Variants in MYBPC3 observed in about 807,000 individuals in gnomAD.
MYBPC3 encodes myosin binding protein C3.
In MYBPC3, 108 loss-of-function variants were observed where a neutral mutation model predicts 159.3. That is an observed-to-expected ratio of 0.68 (90% CI 0.58 to 0.80). MYBPC3 has a LOEUF of 0.80. Among genes scored for constraint, MYBPC3 ranks in the 30% least tolerant of loss-of-function variants. The pLI, the probability that MYBPC3 is intolerant of heterozygous loss-of-function variation, is 0.00. For synonymous variants in MYBPC3, 730 were observed against 702.0 expected, an observed-to-expected ratio of 1.04 and a Z score of -0.63; for missense variants, 1,631 against 1,762.1, an observed-to-expected ratio of 0.93 and a Z score of 1.33.
chr11:47,348,562 G>T (rs747926188), intron 5 of MYBPC3, 21 bp from the exon 6 acceptor site: 2 of 1,581,990 alleles, frequency 1.3e-6, no homozygotes, highest in Non-Finnish European at 1.7e-6. Context: ...GGAGGGACGG[G>T]GCGTCAGGGG....
In MYBPC3 at chr11:47,341,199, A is replaced by T; in HGVS notation, c.1836T>A (p.Ala612=). 2 of 1,595,656 alleles carry T rather than the reference A, an allele frequency of 1.3e-6. No homozygotes were observed. Among genetic ancestry groups the T allele is most frequent in the Non-Finnish European group, 1.7e-6 (2 of 1,171,404 alleles). ...TIDDVTPADE[A]DYSFVPEGFA... ...AGCCCTCGGGCACAAAGCTGTAGTC[A>T]GCCTCGTCGGCAGGTGTGACGTCGT... Residue 612 remains alanine, a synonymous_variant, in exon 19 of 35, where the codon GCT becomes GCA. Transcript: ENST00000545968.
Position 47,342,113 on chromosome 11 carries a change from C to T in MYBPC3, c.1668G>A (p.Val556=). 1 of 1,614,054 alleles carries T rather than the reference C, an allele frequency of 6.2e-7. No homozygotes were observed. Among genetic ancestry groups the T allele is most frequent in the Non-Finnish European group, 8.5e-7 (1 of 1,179,898 alleles). Residue 556 remains valine, a synonymous_variant, in exon 18 of 35, where the codon GTG becomes GTA. Transcript: ENST00000545968. ...EVYQSIADLM[V]GAKDQAVFKC... is the part of the protein sequence containing the mutation. ...TGAACACCGCCTGGTCCTTTGCGCC[C>T]ACCATCAGGTCTGCGATGCTCTGGT...
At chr11:47,343,467 C>G (rs1488082339) in intron 13 of MYBPC3, 25 bp downstream of exon 13, 2 of 1,559,248 alleles carry the variant, frequency 1.3e-6, no homozygotes, top group Non-Finnish European at 1.7e-6. Context: ...TCCACCCGAG[C>G]CCCCCTCCCC....
Position 47,346,473 on chromosome 11 carries a change from T to C in MYBPC3, c.927-103A>G. On this transcript the variant is annotated intron_variant, in intron 11 of 34. Transcript: ENST00000545968. This position sits in a 1 kb window ranked among gnomAD's most constrained non-coding sequence, Gnocchi z 5.3. ...GGAGCTGTAGCCACCCCTGTCCCTC[T>C]GCCCCTTCCCTTCTGGTGGGGCAGC... The C allele has an allele frequency of 6.9e-7, 1 of 1,458,718 alleles. No homozygotes were observed. Among genetic ancestry groups the C allele is most frequent in the Non-Finnish European group, 9.1e-7 (1 of 1,095,862 alleles). The allele number at this position is 1,458,718 out of a possible 1,614,324, so 90.4% of individuals were successfully genotyped here.
Position 47,346,638 on chromosome 11 carries a change from GAA to G in MYBPC3, c.913_914del (p.Phe305ProfsTer27), listed in dbSNP as rs397516080. Reference protein sequence around the residue: ...FSSLLKKRDSFRTPRDSKLEA... With the variant: ...FSSLLKKRDSXRTPRDSKLEA... Reference sequence around the variant, plus strand: ...TGTTGGGCACTCACCTCGGGGTCCGGAAACTGCTGCTCCAGGGGTGGGGGTGG... The same window carrying G: ...TGTTGGGCACTCACCTCGGGGTCCGGACTGCTGCTCCAGGGGTGGGGGTGG... On this transcript the variant is annotated frameshift_variant, in exon 11 of 35. Coordinates refer to ENST00000545968, the MANE Select transcript of MYBPC3 (RefSeq NM_000256.3). LOFTEE classifies it high-confidence loss of function. The surrounding 1 kb of genome is among the most constrained non-coding windows in gnomAD (Gnocchi z 5.3). The G allele has an allele frequency of 2.2e-6, 3 of 1,367,976 alleles. No individual in the cohort carries two copies. The highest frequency in any genetic ancestry group is 3.1e-6 in the Non-Finnish European group (3 of 973,800). The allele number at this position is 1,367,976 out of a possible 1,614,324, so 84.7% of individuals were successfully genotyped here. A position where few individuals can be genotyped will look rare whatever the true frequency, so the allele number is the denominator to read the frequency against.
chr11:47,341,114 C>G, intron 19 of MYBPC3, 24 bp downstream of exon 19: 1 of 1,573,458 alleles, frequency 6.4e-7, no homozygotes, highest in Admixed American at 1.8e-5. Flanking sequence ...TGCCCCGACC[C>G]ACCCTACCCT....
rs780452445 is a variant in MYBPC3, at chr11:47,339,780, C to G, written c.1938G>C (p.Lys646Asn). 5 of 1,613,376 alleles carry G rather than the reference C, an allele frequency of 3.1e-6. No homozygotes were observed. In the South Asian group the frequency reaches 5.5e-5, roughly 18 times the overall value. Residue 646 changes from lysine (K) to asparagine (N), a missense_variant, in exon 21 of 35, where the codon AAG becomes AAC. Physicochemically the swap from Lys to Asn is moderately conservative, Grantham distance 94. Coordinates refer to ENST00000545968, the MANE Select transcript of MYBPC3 (RefSeq NM_000256.3). ...IDFVPRQEPPKIHLDCPGRIP... is the reference protein window; with the variant it reads ...IDFVPRQEPPNIHLDCPGRIP... Reference sequence around the variant, plus strand: ...TGCGGCCTGGGCAGTCCAGGTGGATCTTGGGAGGTTCTGCAGAAGACACAA... The same window carrying G: ...TGCGGCCTGGGCAGTCCAGGTGGATGTTGGGAGGTTCTGCAGAAGACACAA...
chr11:47,341,396 AATTTTC>A (rs2095888452), intron 18 of MYBPC3, among the ~76,000 whole-genome samples, 152 bp from the exon 19 acceptor site: 1 of 152,110 alleles, frequency 6.6e-6, no homozygotes, highest in Non-Finnish European at 1.5e-5. Flanking sequence ...TATATTATCT[AATTTTC>A]CAGCTTTTTA....
rs1184764743 is a variant in MYBPC3, at chr11:47,333,725, T to C, written c.3022A>G (p.Thr1008Ala). The C allele has an allele frequency of 6.2e-7, 1 of 1,606,516 alleles. No homozygotes were observed. The highest frequency in any genetic ancestry group is 8.5e-7 in the Non-Finnish European group (1 of 1,176,970). The change falls in exon 29 of 35, where the codon ACC becomes GCC. Residue 1008 changes from threonine to alanine, a missense_variant. Transcript: ENST00000545968. The part of the protein sequence containing the change: ...QGKPRPQVTW[T>A]KEGQPLAGEE... The stretch of plus-strand genomic sequence containing the variant: ...CCTGCCAGGGGCTGCCCCTCTTTGG[T>C]CCAGGTCACCTGAGGCCGGGGCTTG...
Position 47,349,874 on chromosome 11 carries a change from T to C in MYBPC3, c.554A>G (p.Lys185Arg), listed in dbSNP as rs768795353. 1.2e-6 allele frequency: 2 copies of C among 1,612,222 alleles called. No individual in the cohort carries two copies. Among genetic ancestry groups the C allele is most frequent in the Non-Finnish European group, 1.7e-6 (2 of 1,179,352 alleles). ...SARVAGASLL[K>R]PPVVKWFKGK... is the part of the protein sequence containing the mutation. The stretch of plus-strand genomic sequence containing the variant: ...CTTGAACCACTTGACCACAGGCGGC[T>C]TCAGGAGGCTGGCGCCGGCCACGCG... The change falls in exon 5 of 35, where the codon AAG becomes AGG. Residue 185 changes from lysine (K) to arginine (R), a missense_variant. Coordinates refer to ENST00000545968, the MANE Select transcript of MYBPC3 (RefSeq NM_000256.3).
At chr11:47,337,605 G>T in intron 24 of MYBPC3, 26 bp from the exon 25 acceptor site, 1 of 1,613,712 alleles carries the variant, frequency 6.2e-7, no homozygotes, top group Non-Finnish European at 8.5e-7. Flanking sequence ...TGGCAGCTCT[G>T]GTCTGGAACC....
chr11:47,335,341 T>A, intron 26 of MYBPC3, 132 bp from the exon 27 acceptor site: 1 of 840,432 alleles, frequency 1.2e-6, no homozygotes. Flanking sequence ...GTTTATTTAT[T>A]TTTGAGATGG....
In MYBPC3 at chr11:47,350,514, G is replaced by A. The variant is rs1042129854; in HGVS notation, c.394C>T (p.Pro132Ser). Residue 132 changes from proline (P) to serine (S), a missense_variant, in exon 3 of 35, where the codon CCA becomes TCA. Physicochemically the swap from Pro to Ser is moderately conservative, Grantham distance 74. Transcript: ENST00000545968. ...CAGCCCCTCTCACCTTTGGGACTTG[G>A]GGCACTTTCTCCCAGCTCAGCGGCT... ...APAAELGESA[P>S]SPKGSSSAAL... 24 of 1,559,376 alleles carry A rather than the reference G, an allele frequency of 1.5e-5. No individual in the cohort carries two copies. Among genetic ancestry groups the A allele is most frequent in the Non-Finnish European group, 1.8e-5 (21 of 1,156,014 alleles).
rs1474206173 is a variant in MYBPC3 at position 47,351,803 on chromosome 11, C to T, written c.26-298G>A. 1.3e-5 allele frequency among the ~76,000 whole-genome samples: 2 copies of T among 152,204 alleles called. No individual in the cohort carries two copies. The highest frequency in any genetic ancestry group is 4.8e-5 in the African/African-American group (2 of 41,460). ...TGTGTCCACTTTCCCTGCTTGGAGA[C>T]ACCCGTGATGAACCCAGCTCCCTTT... On this transcript the variant is annotated intron_variant, in intron 1 of 34. Transcript: ENST00000545968. This position sits in a 1 kb window ranked among gnomAD's most constrained non-coding sequence, Gnocchi z 4.2.
intron 23 of MYBPC3, 41 bp from the exon 24 acceptor site, chr11:47,337,835 T>G: frequency 6.6e-7 from 1 of 1,516,226 alleles, no homozygotes; most frequent in Non-Finnish European, 8.9e-7. Flanking sequence ...CCTGCCCCGC[T>G]CAGGGCCTTG....
Position 47,343,281 on chromosome 11 carries a change from CGTTGAAGTGTTCCCGACGG to C in MYBPC3, c.1224-38_1224-20del. 1 of 1,549,504 alleles carries C rather than the reference CGTTGAAGTGTTCCCGACGG, an allele frequency of 6.5e-7. No homozygotes were observed. Among genetic ancestry groups the C allele is most frequent in the East Asian group, 2.3e-5 (1 of 44,266 alleles). On this transcript the variant is annotated intron_variant, in intron 13 of 34. Transcript: ENST00000545968. ...TTACTTGCTGTAGAACAGAAGGGGC[CGTTGAAGTGTTCCCGACGG>C]GAGGAAGTGAGCCCGAGACAAAAGG...
chr11:47,351,349 C>T lies in MYBPC3; in HGVS notation c.182G>A (p.Gly61Asp), dbSNP rs546345474. The change falls in exon 2 of 35, where the codon GGC becomes GAC. Residue 61 changes from glycine (G) to aspartate (D), a missense_variant. Transcript: ENST00000545968. The surrounding 1 kb of genome is among the most constrained non-coding windows in gnomAD (Gnocchi z 4.2). ...CCGCACTGTCAGCGTATGCCGTGTG[C>T]CCTCTGTGGCCAGGCCGTACTTGTT... ...ASNKYGLATE[G>D]TRHTLTVREV... 1 of 1,602,054 alleles carries T rather than the reference C, an allele frequency of 6.2e-7. No homozygotes were observed.
At position 47,342,603 on chromosome 11, in the gene MYBPC3, C is replaced by G. The variant is rs773947559; in HGVS notation, c.1599G>C (p.Gln533His). ...CCTGCACAATGAGCTCAGCCAGCGC[C>G]TGGCCCCCGCTAGTGCACAGTGCAT... ...GHYALCTSGG[Q>H]ALAELIVQEK... The change falls in exon 17 of 35, where the codon CAG becomes CAC. Residue 533 changes from glutamine (Q) to histidine (H), a missense_variant. Coordinates refer to ENST00000545968, the MANE Select transcript of MYBPC3 (RefSeq NM_000256.3). The G allele has an allele frequency of 6.2e-7, 1 of 1,610,806 alleles. No individual in the cohort carries two copies. The highest frequency in any genetic ancestry group is 8.5e-7 in the Non-Finnish European group (1 of 1,178,012).
chr11:47,350,168 G>A (rs2095899145), intron 3 of MYBPC3, 56 bp from the exon 4 acceptor site: 3 of 1,514,200 alleles, frequency 2.0e-6, no homozygotes, highest in South Asian at 2.4e-5. Context: ...CTGTCACCCA[G>A]GCTGGAGTGC....
Sources: gnomAD v4.1 joint callset for allele counts (sites outside exome capture counted in the v4.1 genomes callset) on GRCh38, gnomAD v4.1.1 for gene constraint, Gnocchi (gnomAD v3.1) non-coding constraint, MANE v1.5 for transcripts, NCBI Gene and HGNC (gene_info 2026-07-23, HGNC 2026-07-21) for gene names.